CACNA2D3: variants seen among roughly 807,000 people sequenced by gnomAD.
CACNA2D3 encodes calcium voltage-gated channel auxiliary subunit alpha2delta 3, also known as voltage-dependent calcium channel subunit alpha-2/delta-3.
In CACNA2D3, 60 loss-of-function variants were observed where a neutral mutation model predicts 160.6. That is an observed-to-expected ratio of 0.37 (90% CI 0.30 to 0.46). The LOEUF (loss-of-function observed/expected upper bound fraction) is 0.46, where lower values mean the gene tolerates loss of function less well. CACNA2D3 is among the 20% of genes least tolerant of loss of function. The pLI is 1.00. For synonymous variants in CACNA2D3, 558 were observed against 492.9 expected (o/e 1.13, Z -1.75); for missense variants, 1,205 against 1,365.0 (o/e 0.88, Z 1.85).
At chr3:54,420,216 C>T (rs1699816854) in intron 4 of CACNA2D3, among the ~76,000 whole-genome samples, 1 of 152,180 alleles carries the variant, frequency 6.6e-6, no homozygotes, top group Admixed American at 6.5e-5. Context: ...TCCTGAGTAG[C>T]TGGGTCTACA....
At chr3:54,838,136 A>G (rs1209143287) in intron 15 of CACNA2D3, among the ~76,000 whole-genome samples, 3 of 151,930 alleles carry the variant, frequency 2.0e-5, no homozygotes, top group Admixed American at 1.3e-4. Context: ...TGCTATTTAG[A>G]CTCTCTCTCC....
intron 11 of CACNA2D3, among the ~76,000 whole-genome samples, chr3:54,737,237 A>C (rs1168713640): frequency 6.6e-6 from 1 of 151,156 alleles, no homozygotes; most frequent in Non-Finnish European, 1.5e-5. Flanking sequence ...ACAGAATATA[A>C]CAAGAGGACA....
intron 4 of CACNA2D3, among the ~76,000 whole-genome samples, 179 bp from the exon 5 acceptor site, chr3:54,503,313 A>G (rs979186463): frequency 2.0e-5 from 3 of 152,246 alleles, no homozygotes; most frequent in Non-Finnish European, 2.9e-5. Flanking sequence ...AACTATTTAT[A>G]TAATGCTATC....
chr3:54,976,054 G>GACAC (rs1403268699), intron 29 of CACNA2D3, among the ~76,000 whole-genome samples: 3 of 117,504 alleles, frequency 2.6e-5, no homozygotes, highest in African/African-American at 1.4e-4. Flanking sequence ...TATAGATATA[G>GACAC]ATACACACAC....
chr3:54,687,121 C>CTTTTTCTTTTTCTTTTTCTTTTTTTT, intron 11 of CACNA2D3, among the ~76,000 whole-genome samples: 2 of 94,974 alleles, frequency 2.1e-5, no homozygotes, highest in African/African-American at 8.0e-5. Context: ...TTTTCTTTTT[C>CTTTTTCTTTTTCTTTTTCTTTTTTTT]TTTTTTTTTT....
At chr3:54,478,023 T>C (rs1006481625) in intron 4 of CACNA2D3, among the ~76,000 whole-genome samples, 9 of 152,158 alleles carry the variant, frequency 5.9e-5, no homozygotes, top group African/African-American at 2.2e-4. Context: ...CATTTTTGCT[T>C]ATCTCCATTT....
chr3:54,663,091 G>A (rs1415235857), intron 11 of CACNA2D3, among the ~76,000 whole-genome samples: 1 of 152,192 alleles, frequency 6.6e-6, no homozygotes, highest in Non-Finnish European at 1.5e-5. Context: ...CAGAACACCC[G>A]CAAAAAGACC....
chr3:54,357,028 T>C lies in CACNA2D3; in HGVS notation c.322-29687T>C, dbSNP rs114986221. Among the ~76,000 whole-genome samples, 355 of 152,292 alleles carry C rather than the reference T, an allele frequency of 2.3e-3. 3 individuals are homozygous for C. The highest frequency in any genetic ancestry group is 8.2e-3 in the African/African-American group (341 of 41,560). ...ACCCCCTCCTTGTGGGCTGCCATGATTGGGGACTCACCGTGAAAGGTGACC... is the reference window on the plus strand; with the variant it reads ...ACCCCCTCCTTGTGGGCTGCCATGACTGGGGACTCACCGTGAAAGGTGACC... On this transcript the variant is annotated intron_variant, in intron 3 of 37. Transcript: ENST00000474759.
At chr3:54,403,063 A>G (rs564642844) in intron 4 of CACNA2D3, among the ~76,000 whole-genome samples, 6 of 152,290 alleles carry the variant, frequency 3.9e-5, no homozygotes, top group Admixed American at 6.5e-5. Context: ...AGAGGAAAAT[A>G]TCTTAGCAAT....
At chr3:54,264,242 C>A (rs1326835337) in intron 2 of CACNA2D3, among the ~76,000 whole-genome samples, 1 of 152,166 alleles carries the variant, frequency 6.6e-6, no homozygotes, top group Non-Finnish European at 1.5e-5. Flanking sequence ...ACTTCCTGTC[C>A]TTGTATCACT....
intron 4 of CACNA2D3, among the ~76,000 whole-genome samples, chr3:54,472,903 A>G (rs1485753201): frequency 6.6e-6 from 1 of 152,192 alleles, no homozygotes; most frequent in Non-Finnish European, 1.5e-5. Context: ...AAATAGAAAA[A>G]CATTCCTTGC....
At chr3:54,552,295 T>C (rs923593946) in intron 5 of CACNA2D3, among the ~76,000 whole-genome samples, 2 of 152,184 alleles carry the variant, frequency 1.3e-5, no homozygotes, top group African/African-American at 4.8e-5. Context: ...AGTACTAAGA[T>C]GTCCTGTCAG....
At chr3:54,874,319 C>T (rs1699611050) in intron 18 of CACNA2D3, among the ~76,000 whole-genome samples, 2 of 152,174 alleles carry the variant, frequency 1.3e-5, no homozygotes, top group Admixed American at 1.3e-4. Context: ...CTTTGGCGGA[C>T]CCGTGTGCCA....
chr3:54,865,487 G>A lies in CACNA2D3; in HGVS notation c.1627-6052G>A, dbSNP rs562069466. Among the ~76,000 whole-genome samples the A allele has an allele frequency of 5.3e-5, 8 of 152,294 alleles. No individual in the cohort carries two copies. In the South Asian group the frequency reaches 1.5e-3, roughly 28 times the overall value. On this transcript the variant is annotated intron_variant, in intron 17 of 37. Transcript: ENST00000474759. Reference sequence around the variant, plus strand: ...GCCACTGGGGCTGCCTTTCCCCGGGGCCACCTCCTCTGAGTCTGTTGCAAC... The same window carrying A: ...GCCACTGGGGCTGCCTTTCCCCGGGACCACCTCCTCTGAGTCTGTTGCAAC...
At position 54,433,756 on chromosome 3, in the gene CACNA2D3, C is replaced by G. The variant is rs559559476; in HGVS notation, c.381+46982C>G. ...ACAGAGTGCTCCAGAAGCCTGCCAC[C>G]TGGACCTCTAATGGGTACAGACTGC... On this transcript the variant is annotated intron_variant, in intron 4 of 37. Transcript: ENST00000474759. Among the ~76,000 whole-genome samples, 8 of 152,304 alleles carry G rather than the reference C, an allele frequency of 5.3e-5. 1 individual carries two copies. The South Asian group carries it at 1.7e-3, about 32-fold the overall frequency.
intron 4 of CACNA2D3, among the ~76,000 whole-genome samples, chr3:54,480,911 A>T (rs1461002551): frequency 2.0e-5 from 3 of 152,216 alleles, no homozygotes; most frequent in Non-Finnish European, 4.4e-5. Context: ...GAAAAAGAAA[A>T]CAATCCATAG....
chr3:54,165,954 G>T (rs1455030357), intron 2 of CACNA2D3, among the ~76,000 whole-genome samples: 1 of 152,184 alleles, frequency 6.6e-6, no homozygotes, highest in Non-Finnish European at 1.5e-5. Context: ...CTCCAGTGGT[G>T]TAAACTGAAG....
intron 2 of CACNA2D3, among the ~76,000 whole-genome samples, chr3:54,177,002 TG>T (rs2107318388): frequency 6.6e-6 from 1 of 152,276 alleles, no homozygotes; most frequent in South Asian, 2.1e-4. Context: ...CTTTGCAACT[TG>T]GGGATGATAG....
At position 55,035,195 on chromosome 3, in the gene CACNA2D3, T is replaced by C. The variant is rs142680107; in HGVS notation, c.2987+16878T>C. ...GTAAGAAAAACAGAAAATACAGTAG[T>C]GATAGACATGTTTATACATTTAATG... On this transcript the variant is annotated intron_variant, in intron 35 of 37. Transcript: ENST00000474759. Among the ~76,000 whole-genome samples the C allele has an allele frequency of 5.5e-3, 831 of 152,286 alleles. 10 individuals carry two copies. The highest frequency in any genetic ancestry group is 0.019 in the African/African-American group (790 of 41,562).
Sources: gnomAD v4.1 joint callset for allele counts (sites outside exome capture counted in the v4.1 genomes callset) on GRCh38, gnomAD v4.1.1 for gene constraint, MANE v1.5 for transcripts, NCBI Gene and HGNC (gene_info 2026-07-23, HGNC 2026-07-21) for gene names.